The following HOXA10 variants were observed in gnomAD, a reference collection of about 807,000 sequenced individuals.
The protein encoded by HOXA10 is homeobox protein Hox-A10.
HOXA10 carries 12 observed loss-of-function variants against 29.7 expected under a neutral mutation model. The observed-to-expected ratio is 0.40, with a 90% CI of 0.26 to 0.65. The LOEUF (loss-of-function observed/expected upper bound fraction) is 0.65, where lower values mean the gene tolerates loss of function less well. Among genes scored for constraint, HOXA10 ranks in the 30% least tolerant of loss-of-function variants. HOXA10 has a pLI of 0.37. For missense variants in HOXA10, 656 were observed against 585.9 expected (o/e 1.12, Z -1.24); for synonymous variants, 327 against 280.7 (o/e 1.16, Z -1.65).
chr7:27,173,517 C>T lies in HOXA10; in HGVS notation c.790G>A (p.Ala264Thr). The change falls in exon 1 of 2, where the codon GCC becomes ACC. Residue 264 changes from alanine to threonine, a missense_variant. By Grantham distance (58) the Ala-to-Thr change is moderately conservative. Around this residue, in one of 2 missense-constraint regions of HOXA10, gnomAD observed 594 missense variants for 491.9 expected, o/e 1.21. Coordinates refer to ENST00000283921, the MANE Select transcript of HOXA10 (RefSeq NM_018951.4). ...GAATCGAGGGCTCGCTCCTTCCGGG[C>T]CGCATCGGCCGAGCCGGAGGCTAGC... ...PALASGSADA[A>T]RKERALDSPP... The T allele has an allele frequency of 6.8e-7, 1 of 1,464,932 alleles. No homozygotes were observed. 90.7% of individuals were successfully genotyped at this position (1,464,932 alleles called of 1,614,324 possible). A position where few individuals can be genotyped will look rare whatever the true frequency, so the allele number is the denominator to read the frequency against.
Position 27,171,922 on chromosome 7 carries a change from T to C in HOXA10, c.1210A>G (p.Thr404Ala). 2 of 1,614,206 alleles carry C rather than the reference T, an allele frequency of 1.2e-6. No homozygotes were observed. The highest frequency in any genetic ancestry group is 1.7e-6 in the Non-Finnish European group (2 of 1,180,042). ...CATCAGGAAAAATTAAAGTTGGCTGTGAGCTCCCGGATCCGGTTTTCTCGA... is the reference window on the plus strand; with the variant it reads ...CATCAGGAAAAATTAAAGTTGGCTGCGAGCTCCCGGATCCGGTTTTCTCGA... ...MNRENRIRELTANFNFS is the reference protein window; with the variant it reads ...MNRENRIRELAANFNFS The change falls in exon 2 of 2, where the codon ACA becomes GCA. Residue 404 changes from threonine to alanine, a missense_variant. This residue lies in a region of HOXA10 where 62 missense variants were observed against 94.0 expected (regional missense o/e 0.66). Transcript: ENST00000283921.
upstream of HOXA10, among the ~76,000 whole-genome samples, chr7:27,177,030 C>A (rs779736917): frequency 3.9e-5 from 6 of 152,218 alleles, no homozygotes; most frequent in Non-Finnish European, 8.8e-5. Flanking sequence ...TGCCCTGCAG[C>A]AGACAGCTCA....
Position 27,171,194 on chromosome 7 carries a change from G to A in HOXA10, c.*705C>T. The A allele has an allele frequency of 2.2e-6, 1 of 454,094 alleles. No individual in the cohort carries two copies. The highest frequency in any genetic ancestry group is 4.4e-6 in the Non-Finnish European group (1 of 226,754). The allele number at this position is 454,094 out of a possible 1,614,324, so 28.1% of individuals were successfully genotyped here. On this transcript the variant is annotated 3_prime_UTR_variant, in exon 2 of 2. Coordinates refer to ENST00000283921, the MANE Select transcript of HOXA10 (RefSeq NM_018951.4). Reference sequence around the variant, plus strand: ...GCAATGTAAGACCTTACAGAAACTGGAAGAGAAGTCCCCTTCTCTTGGTAA... The same window carrying A: ...GCAATGTAAGACCTTACAGAAACTGAAAGAGAAGTCCCCTTCTCTTGGTAA...
Position 27,174,174 on chromosome 7 carries a change from C to T in HOXA10, c.133G>A (p.Gly45Ser), listed in dbSNP as rs1402026513. Residue 45 changes from glycine (G) to serine (S), a missense_variant, in exon 1 of 2, where the codon GGT (glycine) becomes AGT (serine). This residue lies in a region of HOXA10 where 594 missense variants were observed against 491.9 expected (regional missense o/e 1.21). Coordinates refer to ENST00000283921, the MANE Select transcript of HOXA10 (RefSeq NM_018951.4). ...ISSGRGEAGG[G>S]GGGAGGGGGG... Reference sequence around the variant, plus strand: ...CCGCCGCCCCCCGCGCCACCACCACCGCCGCCTGCCTCGCCTCTGCCCGAG... The same window carrying T: ...CCGCCGCCCCCCGCGCCACCACCACTGCCGCCTGCCTCGCCTCTGCCCGAG... 8 of 1,598,376 alleles carry T rather than the reference C, an allele frequency of 5.0e-6. No individual in the cohort carries two copies. The African/African-American group carries it at 1.1e-4, about 21-fold the overall frequency.
rs1320066003 is a variant in HOXA10 at position 27,173,842 on chromosome 7, G to A, written c.465C>T (p.Thr155=). ...PQPPQPAPQA[T]SCSFAQNIKE... The stretch of plus-strand genomic sequence containing the variant: ...TGATGTTCTGCGCGAAAGAGCACGA[G>A]GTGGCCTGCGGCGCTGGCTGGGGTG... The change falls in exon 1 of 2, where the codon ACC becomes ACT. Residue 155 remains threonine, a synonymous_variant. Transcript: ENST00000283921. 6.2e-7 allele frequency: 1 copy of A among 1,609,200 alleles called. No homozygotes were observed. Among genetic ancestry groups the A allele is most frequent in the Non-Finnish European group, 8.5e-7 (1 of 1,178,006 alleles).
chr7:27,173,206 A>T, intron 1 of HOXA10, 143 bp downstream of exon 1: 1 of 1,362,424 alleles, frequency 7.3e-7, no homozygotes, highest in South Asian at 1.3e-5. Context: ...CAAATATTAA[A>T]AAGCAAGTTC....
chr7:27,174,679 C>A, upstream of HOXA10: 1 of 287,622 alleles, frequency 3.5e-6, no homozygotes, highest in South Asian at 3.8e-5. Flanking sequence ...ATGGTGCGCG[C>A]CCAGTCTGCC....
rs376030520 is a variant in HOXA10, at chr7:27,173,692, G to A, written c.615C>T (p.Ser205=). 1.9e-4 allele frequency: 299 copies of A among 1,564,542 alleles called. 2 individuals are homozygous for A. The African/African-American group carries it at 3.8e-3, about 20-fold the overall frequency. The change falls in exon 1 of 2, where the codon TCC becomes TCT. Residue 205 remains serine (S), a synonymous_variant. Transcript: ENST00000283921. ...AGTAGCCAGGCACTGGCACCCCGCT[G>A]GAGGTGCCCAGGGCGCAGCCGTCGG... ...PPPDGCALGT[S]SGVPVPGYFR...
rs780384516 is a variant in HOXA10 at position 27,173,460 on chromosome 7, C to T, written c.847G>A (p.Gly283Ser). 1.3e-6 allele frequency: 2 copies of T among 1,574,682 alleles called. No homozygotes were observed. The highest frequency in any genetic ancestry group is 1.7e-6 in the Non-Finnish European group (2 of 1,164,984). ...PPPPTLACGS[G>S]GGSQGDEEAH... Reference sequence around the variant, plus strand: ...TCCTCGTCGCCCTGCGAGCCCCCGCCGCTGCCGCAAGCCAGCGTGGGGGGC... The same window carrying T: ...TCCTCGTCGCCCTGCGAGCCCCCGCTGCTGCCGCAAGCCAGCGTGGGGGGC... The change falls in exon 1 of 2, where the codon GGC (glycine) becomes AGC (serine). Residue 283 changes from glycine (G) to serine (S), a missense_variant. Coordinates refer to ENST00000283921, the MANE Select transcript of HOXA10 (RefSeq NM_018951.4).
chr7:27,174,112 C>T lies in HOXA10; in HGVS notation c.195G>A (p.Leu65=). 1 of 1,580,224 alleles carries T rather than the reference C, an allele frequency of 6.3e-7. No individual in the cohort carries two copies. The highest frequency in any genetic ancestry group is 8.5e-7 in the Non-Finnish European group (1 of 1,171,008). Residue 65 remains leucine (L), a synonymous_variant, in exon 1 of 2, where the codon CTG becomes CTA. Coordinates refer to ENST00000283921, the MANE Select transcript of HOXA10 (RefSeq NM_018951.4). ...GGYYAHGGVY[L]PPAADLPYGL... ...CGTAGGGCAGGTCGGCGGCGGGCGG[C>T]AGGTAGACCCCGCCGTGGGCGTAGT...
chr7:27,173,289 T>C, intron 1 of HOXA10, 60 bp downstream of exon 1: 8 of 1,604,690 alleles, frequency 5.0e-6, no homozygotes, highest in Non-Finnish European at 6.8e-6. Flanking sequence ...TTCTGATCCT[T>C]CTCCTCCTTG....
upstream of HOXA10, among the ~76,000 whole-genome samples, chr7:27,178,067 A>T (rs540781379): frequency 1.6e-4 from 25 of 152,332 alleles, no homozygotes; most frequent in African/African-American, 6.0e-4. Context: ...CTATTATGAA[A>T]AACAAGTTCC....
Position 27,174,143 on chromosome 7 carries a change from C to T in HOXA10, c.164G>A (p.Gly55Asp), listed in dbSNP as rs770848155. The part of the protein sequence containing the change: ...GGGGAGGGGG[G>D]GYYAHGGVYL... ...GACCCCGCCGTGGGCGTAGTAACCGCCACCGCCGCCGCCCCCCGCGCCACC... is the reference window on the plus strand; with the variant it reads ...GACCCCGCCGTGGGCGTAGTAACCGTCACCGCCGCCGCCCCCCGCGCCACC... The change falls in exon 1 of 2, where the codon GGC becomes GAC. Residue 55 changes from glycine (G) to aspartate (D), a missense_variant. Coordinates refer to ENST00000283921, the MANE Select transcript of HOXA10 (RefSeq NM_018951.4). 3 of 1,595,080 alleles carry T rather than the reference C, an allele frequency of 1.9e-6. No individual in the cohort carries two copies. The highest frequency in any genetic ancestry group is 2.7e-5 in the African/African-American group (2 of 74,790).
rs1783471586 is a variant in HOXA10 at position 27,171,205 on chromosome 7, C to T, written c.*694G>A. 1 of 453,964 alleles carries T rather than the reference C, an allele frequency of 2.2e-6. No individual in the cohort carries two copies. Among genetic ancestry groups the T allele is most frequent in the Non-Finnish European group, 4.4e-6 (1 of 226,754 alleles). The allele number at this position is 453,964 out of a possible 1,614,324, so 28.1% of individuals were successfully genotyped here. A position where few individuals can be genotyped will look rare whatever the true frequency, so the allele number is the denominator to read the frequency against. On this transcript the variant is annotated 3_prime_UTR_variant, in exon 2 of 2. Transcript: ENST00000283921. ...CCTTACAGAAACTGGAAGAGAAGTC[C>T]CCTTCTCTTGGTAATTCTTTTTTTT...
rs1783472232 is a variant in HOXA10, at chr7:27,171,222, C to A, written c.*677G>T. The A allele has an allele frequency of 4.4e-6, 2 of 453,106 alleles. No homozygotes were observed. Among genetic ancestry groups the A allele is most frequent in the African/African-American group, 4.0e-5 (2 of 49,808 alleles). 28.1% of individuals were successfully genotyped at this position (453,106 alleles called of 1,614,324 possible). On this transcript the variant is annotated 3_prime_UTR_variant, in exon 2 of 2. Transcript: ENST00000283921. ...GAGAAGTCCCCTTCTCTTGGTAATT[C>A]TTTTTTTTTCTTTTTAAAGCTGGGA... is the stretch of plus-strand genomic sequence containing the variant.
upstream of HOXA10, among the ~76,000 whole-genome samples, chr7:27,175,384 C>T (rs550338562): frequency 1.3e-5 from 2 of 152,328 alleles, no homozygotes; most frequent in Non-Finnish European, 2.9e-5. Context: ...TACACTCCTA[C>T]CTCTCTGTCC....
rs779752657 is a variant in HOXA10, at chr7:27,173,750, G to A, written c.557C>T (p.Ala186Val). ...DKCPKVSATA[A>V]ELAPFPRGPP... is the part of the protein sequence containing the mutation. Reference sequence around the variant, plus strand: ...GCCCCGCGGGAAGGGAGCCAGTTCGGCGGCGGTGGCCGAGACTTTGGGGCA... The same window carrying A: ...GCCCCGCGGGAAGGGAGCCAGTTCGACGGCGGTGGCCGAGACTTTGGGGCA... The change falls in exon 1 of 2, where the codon GCC (alanine) becomes GTC (valine). Residue 186 changes from alanine to valine, a missense_variant. Coordinates refer to ENST00000283921, the MANE Select transcript of HOXA10 (RefSeq NM_018951.4). 4 of 1,602,462 alleles carry A rather than the reference G, an allele frequency of 2.5e-6. No individual in the cohort carries two copies. The highest frequency in any genetic ancestry group is 3.4e-6 in the Non-Finnish European group (4 of 1,175,120).
At chr7:27,176,342 A>G (rs1281193900), upstream of HOXA10, among the ~76,000 whole-genome samples, 1 of 152,230 alleles carries the variant, frequency 6.6e-6, no homozygotes, top group Admixed American at 6.5e-5. Context: ...CCCAAGGCCA[A>G]GGCAAATTCT....
At position 27,173,750 on chromosome 7, in the gene HOXA10, G is replaced by T. The variant is rs779752657; in HGVS notation, c.557C>A (p.Ala186Asp). Residue 186 changes from alanine to aspartate, a missense_variant, in exon 1 of 2, where the codon GCC becomes GAC. This residue lies in a region of HOXA10 where 594 missense variants were observed against 491.9 expected (regional missense o/e 1.21). Coordinates refer to ENST00000283921, the MANE Select transcript of HOXA10 (RefSeq NM_018951.4). ...GCCCCGCGGGAAGGGAGCCAGTTCG[G>T]CGGCGGTGGCCGAGACTTTGGGGCA... is the stretch of plus-strand genomic sequence containing the variant. ...DKCPKVSATA[A>D]ELAPFPRGPP... 8.7e-6 allele frequency: 14 copies of T among 1,602,462 alleles called. No homozygotes were observed. Among genetic ancestry groups the T allele is most frequent in the Non-Finnish European group, 1.2e-5 (14 of 1,175,120 alleles).
Sources: allele counts gnomAD v4.1 joint callset (sites outside exome capture counted in the v4.1 genomes callset), GRCh38; gene constraint gnomAD v4.1.1; regional missense constraint gnomAD v4.1.1; transcripts MANE v1.5; gene names NCBI Gene and HGNC (gene_info 2026-07-23, HGNC 2026-07-21).